The following RNF185 variants were observed in gnomAD, a reference collection of about 807,000 sequenced individuals.
RNF185 encodes the protein ring finger protein 185.
In RNF185, 13 loss-of-function variants were observed where a neutral mutation model predicts 24.9. The observed-to-expected ratio is 0.52, with a 90% confidence interval of 0.34 to 0.83. The LOEUF (loss-of-function observed/expected upper bound fraction) is 0.83, where lower values mean the gene tolerates loss of function less well. Ranked by LOEUF, RNF185 falls within the 40% of genes least tolerant of loss-of-function variation. The pLI, the probability that RNF185 is intolerant of heterozygous loss-of-function variation, is 0.01. For synonymous variants in RNF185, 79 were observed against 90.3 expected (o/e 0.88, Z 0.71); for missense variants, 184 against 244.7 (o/e 0.75, Z 1.65).
intron 1 of RNF185, chr22:31,182,942 A>C (rs2048054000): frequency 1.6e-5 from 1 of 62,722 alleles, no homozygotes; most frequent in African/African-American, 7.2e-5. Context: ...ATTATTTTTG[A>C]GATGGAGTCT....
intron 2 of RNF185, 41 bp from the exon 3 acceptor site, chr22:31,192,643 T>C: frequency 6.2e-7 from 1 of 1,600,418 alleles, no homozygotes; most frequent in Non-Finnish European, 8.6e-7. Flanking sequence ...TCCCCTTTTC[T>C]CCTTCTCCTT....
rs760593742 is a variant in RNF185 at position 31,187,071 on chromosome 22, T to G, written c.-24T>G. 5.5e-5 allele frequency: 87 copies of G among 1,594,616 alleles called. No individual in the cohort carries two copies. The highest frequency in any genetic ancestry group is 6.8e-5 in the Non-Finnish European group (80 of 1,172,396). ...GGATTTCCCTGGGGAAAGTCTTCAC[T>G]CAGAGCTTCGCTGACAGCCAAGGAT... On this transcript the variant is annotated 5_prime_UTR_variant, in exon 2 of 7. Transcript: ENST00000326132.
Position 31,204,679 on chromosome 22 carries a change from C to T in RNF185, c.*93C>T, listed in dbSNP as rs943705277. 20 of 788,940 alleles carry T rather than the reference C, an allele frequency of 2.5e-5. No homozygotes were observed. The highest frequency in any genetic ancestry group is 4.5e-5 in the Non-Finnish European group (20 of 442,032). 48.9% of individuals were successfully genotyped at this position (788,940 alleles called of 1,614,324 possible). Reference sequence around the variant, plus strand: ...TTTGGCTTCCTGGCTAATCTTGACTCCTGGAATCAGTGGGATCAGTAACAC... The same window carrying T: ...TTTGGCTTCCTGGCTAATCTTGACTTCTGGAATCAGTGGGATCAGTAACAC... On this transcript the variant is annotated 3_prime_UTR_variant, in exon 7 of 7. Transcript: ENST00000326132.
chr22:31,190,714 G>A (rs549833239), intron 2 of RNF185, among the ~76,000 whole-genome samples: 56 of 150,414 alleles, frequency 3.7e-4, no homozygotes, highest in Admixed American at 2.6e-3. Context: ...AGTGATTCTC[G>A]TGCTTCAGCC....
At chr22:31,170,906 C>T (rs927004570) in intron 1 of RNF185, among the ~76,000 whole-genome samples, 1 of 152,084 alleles carries the variant, frequency 6.6e-6, no homozygotes, top group Non-Finnish European at 1.5e-5. Context: ...AAGCAATCCT[C>T]CTGCCTCAGC....
At chr22:31,175,539 C>G (rs1291403508) in intron 1 of RNF185, among the ~76,000 whole-genome samples, 1 of 151,804 alleles carries the variant, frequency 6.6e-6, no homozygotes, top group Non-Finnish European at 1.5e-5. Flanking sequence ...TTATGTATTT[C>G]TCATAGGAAT....
chr22:31,203,788 C>A (rs752186581), intron 6 of RNF185, among the ~76,000 whole-genome samples: 1 of 152,048 alleles, frequency 6.6e-6, no homozygotes. Flanking sequence ...GTAATGCCAA[C>A]GCTTTGGGAG....
chr22:31,177,840 A>G (rs568961370), intron 1 of RNF185, among the ~76,000 whole-genome samples: 3 of 152,348 alleles, frequency 2.0e-5, no homozygotes, highest in Middle Eastern at 3.4e-3. Context: ...AAGGCAGATG[A>G]TGAATTCCTA....
intron 1 of RNF185, among the ~76,000 whole-genome samples, chr22:31,185,795 T>C (rs1451396446): frequency 6.6e-6 from 1 of 152,208 alleles, no homozygotes; most frequent in Non-Finnish European, 1.5e-5. Context: ...ATCCTCTTTC[T>C]TGTTCAACTC....
In RNF185 at chr22:31,205,533, C is replaced by G. The variant is rs866122669; in HGVS notation, c.*947C>G. The G allele has an allele frequency of 1.3e-5, 2 of 151,810 alleles. No individual in the cohort carries two copies. Among genetic ancestry groups the G allele is most frequent in the Non-Finnish European group, 2.9e-5 (2 of 67,918 alleles). The allele number at this position is 151,810 out of a possible 1,614,324, so 9.4% of individuals were successfully genotyped here. On this transcript the variant is annotated 3_prime_UTR_variant, in exon 7 of 7. Coordinates refer to ENST00000326132, the MANE Select transcript of RNF185 (RefSeq NM_152267.4). ...GGCTGCAGAAGCTTGAATGCATCCT[C>G]TCCCAGAACCTGCCACAGGAAACTG... is the stretch of plus-strand genomic sequence containing the variant.
intron 1 of RNF185, among the ~76,000 whole-genome samples, chr22:31,166,810 C>T (rs1923953394): frequency 6.6e-6 from 1 of 152,002 alleles, no homozygotes; most frequent in Admixed American, 6.6e-5. Flanking sequence ...CCACCATGCC[C>T]AGCTAATTTT....
At chr22:31,177,885 T>C (rs2047998128) in intron 1 of RNF185, among the ~76,000 whole-genome samples, 1 of 152,216 alleles carries the variant, frequency 6.6e-6, no homozygotes, top group South Asian at 2.1e-4. Context: ...AATTTAAGAA[T>C]GCTACAGAGA....
At chr22:31,189,175 G>GTT (rs1264176089) in intron 2 of RNF185, among the ~76,000 whole-genome samples, 4 of 142,144 alleles carry the variant, frequency 2.8e-5, no homozygotes, top group Non-Finnish European at 4.5e-5. Flanking sequence ...TTGTGTTTGT[G>GTT]TATGTATTTA....
intron 1 of RNF185, among the ~76,000 whole-genome samples, chr22:31,161,058 G>A (rs778374215): frequency 2.0e-5 from 3 of 152,220 alleles, no homozygotes; most frequent in Non-Finnish European, 4.4e-5. Flanking sequence ...AGCACTGGAA[G>A]GGAATTAACT....
At chr22:31,184,032 C>T (rs188114463) in intron 1 of RNF185, among the ~76,000 whole-genome samples, 14 of 150,306 alleles carry the variant, frequency 9.3e-5, no homozygotes, top group South Asian at 2.1e-4. Context: ...CCCCACCTCC[C>T]GGACGGGGCG....
intron 1 of RNF185, among the ~76,000 whole-genome samples, chr22:31,170,808 C>T (rs1298156204): frequency 6.6e-6 from 1 of 152,106 alleles, no homozygotes; most frequent in Admixed American, 6.6e-5. Context: ...CCACGCCTGG[C>T]CAGGTTTTTA....
intron 1 of RNF185, among the ~76,000 whole-genome samples, chr22:31,181,275 T>C (rs988669368): frequency 6.6e-6 from 1 of 151,882 alleles, no homozygotes; most frequent in South Asian, 2.1e-4. Flanking sequence ...GCCCAGGAGG[T>C]TGAGCTTGCA....
At chr22:31,183,940 A>G (rs1357898599) in intron 1 of RNF185, among the ~76,000 whole-genome samples, 10 of 99,380 alleles carry the variant, frequency 1.0e-4, no homozygotes, top group Admixed American at 9.7e-4. Context: ...AGGGGCTCCC[A>G]CCTCCCGGAC....
intron 1 of RNF185, among the ~76,000 whole-genome samples, chr22:31,168,077 A>G (rs1003288086): frequency 6.6e-6 from 1 of 152,198 alleles, no homozygotes; most frequent in African/African-American, 2.4e-5. Flanking sequence ...TGTGTCTATT[A>G]AACAATAACT....
Sources: allele counts gnomAD v4.1 joint callset (sites outside exome capture counted in the v4.1 genomes callset), GRCh38; gene constraint gnomAD v4.1.1; transcripts MANE v1.5; gene names NCBI Gene and HGNC (gene_info 2026-07-23, HGNC 2026-07-21).